IL18BP: variants seen among roughly 807,000 people sequenced by gnomAD.
The protein encoded by IL18BP is interleukin 18 binding protein, also known as interleukin-18-binding protein.
Under a neutral mutation model 19.9 loss-of-function variants are expected in IL18BP, and 23 were observed. The observed-to-expected ratio is 1.15, with a 90% CI of 0.83 to 1.64. The LOEUF is 1.64. Ranked by LOEUF, IL18BP falls within the 40% of genes most tolerant of loss-of-function variation. The pLI, the probability that IL18BP is intolerant of heterozygous loss-of-function variation, is 0.00. For synonymous variants in IL18BP, 107 were observed against 101.0 expected, an observed-to-expected ratio of 1.06 and a Z score of -0.35; for missense variants, 239 against 240.7, an observed-to-expected ratio of 0.99 and a Z score of 0.05.
chr11:72,007,655 C>T, downstream of IL18BP: 1 of 602,502 alleles, frequency 1.7e-6, no homozygotes, highest in East Asian at 3.0e-5. Flanking sequence ...AGTGGCAATG[C>T]CCAGACCCAG....
chr11:71,999,382 A>G (rs1386385758), intron 1 of IL18BP: 2 of 289,698 alleles, frequency 6.9e-6, no homozygotes, highest in African/African-American at 4.4e-5. Flanking sequence ...TGAGAGACTC[A>G]TCTAGTTCAT....
Position 72,001,113 on chromosome 11 carries a change from T to TG in IL18BP, c.236-82dup, listed in dbSNP as rs1215531939. On this transcript the variant is annotated intron_variant, in intron 3 of 5. Coordinates refer to ENST00000393703, the MANE Select transcript of IL18BP (RefSeq NM_001039660.2). Reference sequence around the variant, plus strand: ...CTCTAGGTTCCAGATGCATGGGGACTGGGGGGAGCTGGCAGGGAGGGCACA... The same window carrying TG: ...CTCTAGGTTCCAGATGCATGGGGACTGGGGGGGAGCTGGCAGGGAGGGCACA... 37 of 1,529,300 alleles carry TG rather than the reference T, an allele frequency of 2.4e-5. No homozygotes were observed. The Admixed American group carries it at 5.0e-4, about 21-fold the overall frequency. 94.7% of individuals were successfully genotyped at this position (1,529,300 alleles called of 1,614,324 possible). A position where few individuals can be genotyped will look rare whatever the true frequency, so the allele number is the denominator to read the frequency against.
At chr11:72,004,338 T>TA, downstream of IL18BP, 2 of 1,612,172 alleles carry the variant, frequency 1.2e-6, no homozygotes, top group Non-Finnish European at 1.7e-6. Context: ...GTGGCCTTCT[T>TA]AGACTATGGA....
At position 72,001,185 on chromosome 11, in the gene IL18BP, C is replaced by A; in HGVS notation, c.236-16C>A. The stretch of plus-strand genomic sequence containing the variant: ...GCCTGCTCTTCTGAAGAGCTAACTG[C>A]TGCCTGTGTCCCTAGATGGAACGCT... On this transcript the variant is annotated splice_polypyrimidine_tract_variant and intron_variant, in intron 3 of 5. Transcript: ENST00000393703. 1 of 1,613,978 alleles carries A rather than the reference C, an allele frequency of 6.2e-7. No individual in the cohort carries two copies. The highest frequency in any genetic ancestry group is 8.5e-7 in the Non-Finnish European group (1 of 1,179,930).
At chr11:72,003,626 G>A (rs373124025), downstream of IL18BP, 17 of 1,533,284 alleles carry the variant, frequency 1.1e-5, no homozygotes, top group Middle Eastern at 1.7e-4. Flanking sequence ...CTGCTCCCAC[G>A]CCCCTGTCTG....
At chr11:72,005,437 C>G (rs1955621485), downstream of IL18BP, 6 of 1,507,500 alleles carry the variant, frequency 4.0e-6, no homozygotes, top group South Asian at 4.8e-5. Flanking sequence ...GCCCTGGCAT[C>G]TTGCCAGCCT....
downstream of IL18BP, chr11:72,003,505 G>A: frequency 6.2e-7 from 1 of 1,613,272 alleles, no homozygotes; most frequent in South Asian, 1.1e-5. Flanking sequence ...CACAGGTGGG[G>A]CCACTCACTG....
At chr11:72,000,578 G>C in intron 3 of IL18BP, 21 bp downstream of exon 3, 1 of 1,600,428 alleles carries the variant, frequency 6.2e-7, no homozygotes, top group Non-Finnish European at 8.5e-7. Context: ...CAGTGGTGGA[G>C]GGTGGGCTAT....
At chr11:72,004,686 C>T (rs374984536), downstream of IL18BP, 33 of 1,613,382 alleles carry the variant, frequency 2.0e-5, no homozygotes, top group Middle Eastern at 3.5e-4. Context: ...GACCCGTTTG[C>T]GCTGCTGCCG....
At chr11:72,001,160 G>C in intron 3 of IL18BP, 41 bp from the exon 4 acceptor site, 1 of 1,612,124 alleles carries the variant, frequency 6.2e-7, no homozygotes. Flanking sequence ...TAGGGGAAGG[G>C]CCTGCTCTTC....
downstream of IL18BP, chr11:72,003,893 C>T (rs1955456414): frequency 6.2e-7 from 1 of 1,613,666 alleles, no homozygotes; most frequent in Non-Finnish European, 8.5e-7. Context: ...CTACCTTGCC[C>T]TTGGCTCGAG....
chr11:72,008,049 T>C (rs1955865470), downstream of IL18BP: 2 of 464,516 alleles, frequency 4.3e-6, no homozygotes, highest in Non-Finnish European at 8.6e-6. Context: ...ACTGCCCCTC[T>C]ATGCCCCAGA....
chr11:72,000,557 A>G lies in IL18BP; in HGVS notation c.235A>G (p.Asn79Asp), dbSNP rs1474042269. ...VTWPEVEVPL[N>D]GTLSLSCVAC... ...CTGGCCAGAGGTGGAAGTGCCACTG[A>G]GTAAGAAGCACAGTGGTGGAGGGTG... The change falls in exon 3 of 6, where the codon AAT (asparagine) becomes GAT (aspartate). Residue 79 changes from asparagine (N) to aspartate (D), a missense_variant and splice_region_variant. By Grantham distance (23) the Asn-to-Asp change is conservative (BLOSUM62 1). Transcript: ENST00000393703. 30 of 1,608,154 alleles carry G rather than the reference A, an allele frequency of 1.9e-5. No individual in the cohort carries two copies. The highest frequency in any genetic ancestry group is 2.5e-5 in the Non-Finnish European group (29 of 1,179,262).
downstream of IL18BP, chr11:72,005,422 T>C: frequency 1.9e-6 from 3 of 1,571,802 alleles, no homozygotes; most frequent in Non-Finnish European, 1.7e-6. Context: ...GCAGGTCACC[T>C]CCTGGCCCTG....
At chr11:72,003,379 C>T (rs552457611), downstream of IL18BP, 1 of 783,708 alleles carries the variant, frequency 1.3e-6, no homozygotes, top group South Asian at 1.6e-5. Context: ...GGGACCAGGC[C>T]AGGGTGCGGG....
intron 1 of IL18BP, 28 bp downstream of exon 1, chr11:71,999,047 TAGACCTGTGGCTCTGGCCAGAGGG>T: frequency 2.2e-6 from 1 of 447,112 alleles, no homozygotes; most frequent in Non-Finnish European, 4.4e-6. Flanking sequence ...CTAGTGAACC[TAGACCTGTGGCTCTGGCCAGAGGG>T]GCTAGGATGA....
chr11:72,005,134 G>A (rs1590854962), downstream of IL18BP: 8 of 1,333,892 alleles, frequency 6.0e-6, no homozygotes, highest in Admixed American at 1.5e-4. Flanking sequence ...TCCTCGGCCA[G>A]TCAGTGATCC....
intron 3 of IL18BP, 22 bp from the exon 4 acceptor site, chr11:72,001,179 T>A: frequency 6.2e-7 from 1 of 1,613,900 alleles, no homozygotes; most frequent in Non-Finnish European, 8.5e-7. Flanking sequence ...TCTGAAGAGC[T>A]AACTGCTGCC....
downstream of IL18BP, chr11:72,007,046 C>CTT: frequency 1.0e-6 from 1 of 997,922 alleles, no homozygotes; most frequent in Non-Finnish European, 1.4e-6. Context: ...AGTCACTGCC[C>CTT]TTTTTAAGAC....
Sources: gnomAD v4.1 joint callset for allele counts on GRCh38, gnomAD v4.1.1 for gene constraint, MANE v1.5 for transcripts, NCBI Gene and HGNC (gene_info 2026-07-23, HGNC 2026-07-21) for gene names.